Variants in PRKRA observed in about 807,000 individuals in gnomAD.
The protein encoded by PRKRA is interferon-inducible double-stranded RNA-dependent protein kinase activator A.
PRKRA carries 22 observed loss-of-function variants against 32.4 expected under a neutral mutation model. That is an observed-to-expected ratio of 0.68 (90% CI 0.49 to 0.97). PRKRA has a LOEUF of 0.97. PRKRA is among the 50% of genes least tolerant of loss of function. The pLI is 0.00. For missense variants in PRKRA, 319 were observed against 375.6 expected (o/e 0.85, Z 1.25); for synonymous variants, 139 against 129.8 (o/e 1.07, Z -0.48).
intron 3 of PRKRA, among the ~76,000 whole-genome samples, chr2:178,446,807 A>C (rs772962660): frequency 6.6e-6 from 1 of 151,814 alleles, no homozygotes; most frequent in Non-Finnish European, 1.5e-5. Context: ...TCCCGGCTAA[A>C]ACGGTGAAAC....
chr2:178,449,888 C>T (rs1210619967), intron 2 of PRKRA, among the ~76,000 whole-genome samples: 1 of 152,196 alleles, frequency 6.6e-6, no homozygotes, highest in South Asian at 2.1e-4. Context: ...ATCTATGAAA[C>T]TTCACAGTAC....
chr2:178,449,019 A>C (rs375007410), intron 2 of PRKRA, among the ~76,000 whole-genome samples: 4 of 152,356 alleles, frequency 2.6e-5, no homozygotes, highest in Admixed American at 1.3e-4. Context: ...CTATTCTGTA[A>C]CTGGGCTTGG....
At chr2:178,444,585 C>T in intron 3 of PRKRA, 85 bp from the exon 4 acceptor site, 1 of 830,152 alleles carries the variant, frequency 1.2e-6, no homozygotes, top group Non-Finnish European at 1.8e-6. Flanking sequence ...AATTAACTCT[C>T]TATGTCTTTG....
chr2:178,448,926 T>C (rs1467263059), intron 2 of PRKRA, among the ~76,000 whole-genome samples: 1 of 152,172 alleles, frequency 6.6e-6, no homozygotes, highest in Non-Finnish European at 1.5e-5. Context: ...AGGGAAAAGA[T>C]GGATTCAGTT....
chr2:178,441,609 C>T lies in PRKRA; in HGVS notation c.609+1G>A. 2.7e-6 allele frequency: 2 copies of T among 743,810 alleles called. No individual in the cohort carries two copies. The highest frequency in any genetic ancestry group is 3.9e-6 in the Non-Finnish European group (2 of 510,242). The allele number at this position is 743,810 out of a possible 1,614,324, so 46.1% of individuals were successfully genotyped here. A position where few individuals can be genotyped will look rare whatever the true frequency, so the allele number is the denominator to read the frequency against. On this transcript the variant is annotated splice_donor_variant, in intron 6 of 7. Transcript: ENST00000325748. LOFTEE classifies it high-confidence loss of function. ...ACATCATAGCTGTCAACATTACTCACTAAAGAAATGTGGTTCTCTGGAGAA... is the reference window on the plus strand; with the variant it reads ...ACATCATAGCTGTCAACATTACTCATTAAAGAAATGTGGTTCTCTGGAGAA...
At chr2:178,444,748 T>C (rs1009669036) in intron 3 of PRKRA, among the ~76,000 whole-genome samples, 3 of 152,172 alleles carry the variant, frequency 2.0e-5, no homozygotes, top group African/African-American at 7.2e-5. Context: ...CTTTGAAACA[T>C]TATAACACAT....
chr2:178,450,429 AG>A lies in PRKRA; in HGVS notation c.66-19del. On this transcript the variant is annotated intron_variant, in intron 1 of 7. Transcript: ENST00000325748. ...TCCCCAAACTGCAAAAACCACAAAAAGGTGTGCTTTGCATGCCAAATTGGAG... is the reference window on the plus strand; with the variant it reads ...TCCCCAAACTGCAAAAACCACAAAAAGTGTGCTTTGCATGCCAAATTGGAG... 2 of 838,924 alleles carry A rather than the reference AG, an allele frequency of 2.4e-6. No homozygotes were observed. The allele number at this position is 838,924 out of a possible 1,614,324, so 52.0% of individuals were successfully genotyped here. A position where few individuals can be genotyped will look rare whatever the true frequency, so the allele number is the denominator to read the frequency against.
chr2:178,432,339 TTGTC>T, intron 7 of PRKRA, 85 bp from the exon 8 acceptor site: 2 of 1,294,622 alleles, frequency 1.5e-6, no homozygotes, highest in South Asian at 1.5e-5. Context: ...ATTCTTATTA[TTGTC>T]TTTCTTTTTA....
At chr2:178,439,838 A>G (rs1697046165) in intron 6 of PRKRA, 1 of 152,196 alleles carries the variant, frequency 6.6e-6, no homozygotes. Context: ...GGTTAATTAA[A>G]GTAACCAACT....
At chr2:178,435,731 A>G (rs1696864422) in intron 7 of PRKRA, among the ~76,000 whole-genome samples, 1 of 152,204 alleles carries the variant, frequency 6.6e-6, no homozygotes, top group Non-Finnish European at 1.5e-5. Flanking sequence ...CTCTTCCCCA[A>G]ATCTTGCTCT....
chr2:178,436,407 C>A lies in PRKRA; in HGVS notation c.610-88G>T, dbSNP rs184633345. 1.4e-5 allele frequency: 15 copies of A among 1,110,418 alleles called. No individual in the cohort carries two copies. The African/African-American group carries it at 2.2e-4, about 16-fold the overall frequency. The allele number at this position is 1,110,418 out of a possible 1,614,324, so 68.8% of individuals were successfully genotyped here. On this transcript the variant is annotated intron_variant, in intron 6 of 7. Transcript: ENST00000325748. The stretch of plus-strand genomic sequence containing the variant: ...TATCATTAAAAGTACTTATTAAGCA[C>A]TCACATTTAATATGTTATAAAGCAT...
rs182990851 is a variant in PRKRA at position 178,448,226 on chromosome 2, G to A, written c.236-640C>T. Among the ~76,000 whole-genome samples the A allele has an allele frequency of 2.0e-5, 3 of 152,266 alleles. No homozygotes were observed. The East Asian group carries it at 5.8e-4, about 29-fold the overall frequency. On this transcript the variant is annotated intron_variant, in intron 2 of 7. Coordinates refer to ENST00000325748, the MANE Select transcript of PRKRA (RefSeq NM_003690.5). ...CTAAGTTGGGACTGGGGATAAGACT[G>A]ATGTCTAATTTCAGTAAGCAATCAC... is the stretch of plus-strand genomic sequence containing the variant.
intron 1 of PRKRA, chr2:178,450,758 G>A: frequency 7.4e-7 from 1 of 1,343,798 alleles, no homozygotes; most frequent in Non-Finnish European, 9.5e-7. Flanking sequence ...CCCGCCCCGC[G>A]CGCCGCCAGG....
chr2:178,441,641 C>T lies in PRKRA; in HGVS notation c.578G>A (p.Ser193Asn), dbSNP rs758028975. ...NAAEKFLAKF[S>N]NISPENHISL... The stretch of plus-strand genomic sequence containing the variant: ...AATGTGGTTCTCTGGAGAAATATTA[C>T]TAAATTTGGCAAGAAATTTCTCAGC... Residue 193 changes from serine (S) to asparagine (N), a missense_variant, in exon 6 of 8, where the codon AGT becomes AAT. Ser to Asn is a conservative substitution (Grantham distance 46, BLOSUM62 1). Coordinates refer to ENST00000325748, the MANE Select transcript of PRKRA (RefSeq NM_003690.5). 3.7e-6 allele frequency: 6 copies of T among 1,609,934 alleles called. 1 individual carries two copies. The Admixed American group carries it at 5.0e-5, about 13-fold the overall frequency.
chr2:178,450,432 T>G, intron 1 of PRKRA, 21 bp from the exon 2 acceptor site: 1 of 862,786 alleles, frequency 1.2e-6, no homozygotes, highest in Non-Finnish European at 1.6e-6. Context: ...CACAAAAAGG[T>G]GTGCTTTGCA....
intron 6 of PRKRA, chr2:178,439,280 C>T (rs1475615288): frequency 6.6e-6 from 1 of 152,162 alleles, no homozygotes. Flanking sequence ...AAGTGATACA[C>T]ACATACAGCA....
chr2:178,432,808 T>C (rs1485673325), intron 7 of PRKRA, among the ~76,000 whole-genome samples: 1 of 152,242 alleles, frequency 6.6e-6, no homozygotes, highest in African/African-American at 2.4e-5. Context: ...TATGTATTTA[T>C]GCTGTTGTCC....
chr2:178,450,574 C>A, intron 1 of PRKRA, 163 bp from the exon 2 acceptor site: 1 of 1,506,484 alleles, frequency 6.6e-7, no homozygotes, highest in Non-Finnish European at 8.8e-7. Flanking sequence ...GTCTTCCGGC[C>A]CCGCTGCGGC....
chr2:178,433,209 GAAT>G (rs2154124550), intron 7 of PRKRA, among the ~76,000 whole-genome samples: 1 of 152,242 alleles, frequency 6.6e-6, no homozygotes, highest in Non-Finnish European at 1.5e-5. Flanking sequence ...TTTTACAGCT[GAAT>G]AATATTTCAT....
Sources: allele counts gnomAD v4.1 joint callset (sites outside exome capture counted in the v4.1 genomes callset), GRCh38; gene constraint gnomAD v4.1.1; transcripts MANE v1.5; gene names NCBI Gene and HGNC (gene_info 2026-07-23, HGNC 2026-07-21).